Variants in ANKRD44 observed in about 807,000 individuals in gnomAD.
The protein encoded by ANKRD44 is ankyrin repeat domain 44.
In ANKRD44, 35 loss-of-function variants were observed where a neutral mutation model predicts 116.0. That is an observed-to-expected ratio of 0.30 (90% CI 0.23 to 0.40). The LOEUF (loss-of-function observed/expected upper bound fraction) is 0.40, where lower values mean the gene tolerates loss of function less well. Among genes scored for constraint, ANKRD44 ranks in the 10% least tolerant of loss-of-function variants. The probability of loss-of-function intolerance (pLI) is 1.00; values close to 1 mark genes in which losing one functional copy is unlikely to be tolerated. For synonymous variants in ANKRD44, 435 were observed against 461.8 expected (o/e 0.94, Z 0.74); for missense variants, 1,014 against 1,242.6 (o/e 0.82, Z 2.77).
At chr2:197,259,011 T>A (rs2105714471) in intron 1 of ANKRD44, among the ~76,000 whole-genome samples, 1 of 152,308 alleles carries the variant, frequency 6.6e-6, no homozygotes, top group Non-Finnish European at 1.5e-5. Flanking sequence ...AGGGATTCCG[T>A]TATTCAGGTC....
chr2:197,039,460 T>C (rs779204857), intron 16 of ANKRD44, among the ~76,000 whole-genome samples: 8 of 152,214 alleles, frequency 5.3e-5, no homozygotes, highest in African/African-American at 1.9e-4. Flanking sequence ...TACAATGAGA[T>C]ACTTCGGCTA....
At chr2:197,187,746 G>A (rs1305868022) in intron 1 of ANKRD44, among the ~76,000 whole-genome samples, 3 of 152,032 alleles carry the variant, frequency 2.0e-5, no homozygotes, top group African/African-American at 7.2e-5. Context: ...AAGACACAGT[G>A]AAAACGTGGC....
chr2:197,112,707 C>CAAAAAAAAAAAAAAAAAAAAAAA (rs1178148585), intron 8 of ANKRD44, among the ~76,000 whole-genome samples: 1 of 80,068 alleles, frequency 1.2e-5, no homozygotes. Context: ...GACTCCGTCT[C>CAAAAAAAAAAAAAAAAAAAAAAA]AAAAAAAAAA....
chr2:196,974,569 G>T (rs1420412445), intron 21 of ANKRD44, among the ~76,000 whole-genome samples: 1 of 152,048 alleles, frequency 6.6e-6, no homozygotes, highest in African/African-American at 2.4e-5. Context: ...TTTATATTAA[G>T]ATTCAATAAC....
intron 17 of ANKRD44, chr2:197,015,643 G>C: frequency 3.6e-6 from 2 of 559,320 alleles, no homozygotes; most frequent in Non-Finnish European, 3.3e-6. Context: ...TGGTGAAGGT[G>C]GTGGCAGCAG....
chr2:197,253,888 T>C (rs2082378056), intron 1 of ANKRD44, among the ~76,000 whole-genome samples: 1 of 152,196 alleles, frequency 6.6e-6, no homozygotes, highest in Non-Finnish European at 1.5e-5. Flanking sequence ...CCTCCAACAC[T>C]GGCTAAATCT....
intron 1 of ANKRD44, among the ~76,000 whole-genome samples, chr2:197,229,376 G>A (rs941820325): frequency 3.9e-5 from 6 of 152,162 alleles, no homozygotes; most frequent in African/African-American, 1.4e-4. Flanking sequence ...AGATGATGCT[G>A]TTAACATTTT....
At chr2:196,995,874 CA>C (rs2076003291) in intron 25 of ANKRD44, among the ~76,000 whole-genome samples, 1 of 152,178 alleles carries the variant, frequency 6.6e-6, no homozygotes, top group Admixed American at 6.5e-5. Context: ...TTCAATTATC[CA>C]TTTATCCTTG....
chr2:197,235,554 T>A (rs1559172922), intron 1 of ANKRD44, among the ~76,000 whole-genome samples: 2 of 149,858 alleles, frequency 1.3e-5, no homozygotes, highest in Non-Finnish European at 3.0e-5. Context: ...AGGCAGAGGT[T>A]GCAGTGAGCC....
At chr2:197,054,990 A>T (rs771829049) in intron 16 of ANKRD44, among the ~76,000 whole-genome samples, 8 of 152,158 alleles carry the variant, frequency 5.3e-5, no homozygotes, top group Non-Finnish European at 1.2e-4. Flanking sequence ...TCACAGAGCA[A>T]AACTTACCTG....
At chr2:196,978,834 G>A (rs1234723927) in intron 21 of ANKRD44, among the ~76,000 whole-genome samples, 1 of 146,570 alleles carries the variant, frequency 6.8e-6, no homozygotes, top group African/African-American at 2.5e-5. Flanking sequence ...ATGGGCCATA[G>A]TTTACCAACT....
At chr2:197,068,855 G>A (rs1574394257) in intron 16 of ANKRD44, among the ~76,000 whole-genome samples, 1 of 152,216 alleles carries the variant, frequency 6.6e-6, no homozygotes, top group Non-Finnish European at 1.5e-5. Context: ...TGGTGGGACT[G>A]TAAACTAGTT....
intron 5 of ANKRD44, 34 bp from the exon 6 acceptor site, chr2:197,125,502 A>G: frequency 6.3e-7 from 1 of 1,588,528 alleles, no homozygotes; most frequent in Non-Finnish European, 8.6e-7. Flanking sequence ...TCAAGCATAC[A>G]TTCTGTAATG....
chr2:197,238,059 C>CTAG (rs2082012495), intron 1 of ANKRD44, among the ~76,000 whole-genome samples: 1 of 152,236 alleles, frequency 6.6e-6, no homozygotes, highest in African/African-American at 2.4e-5. Context: ...AGCCCTCCTA[C>CTAG]CCCAAGTCTA....
rs16863140 is a variant in ANKRD44 at position 197,201,280 on chromosome 2, A to G, written c.28-14174T>C. 0.34 allele frequency among the ~76,000 whole-genome samples: 52,404 copies of G among 152,126 alleles called. 10,544 individuals carry two copies. The highest frequency in any genetic ancestry group is 0.56 in the African/African-American group (23,205 of 41,486). ...AAGACATAATCTTGACAGTCATATT[A>G]CAGAAAATAAGGGAGTGAGTTACTG... On this transcript the variant is annotated intron_variant, in intron 1 of 27. Coordinates refer to ENST00000282272, the MANE Select transcript of ANKRD44 (RefSeq NM_001195144.2). The surrounding 1 kb of genome is among the most constrained non-coding windows in gnomAD (Gnocchi z 4.0).
At chr2:197,251,162 C>T (rs2082308673) in intron 1 of ANKRD44, among the ~76,000 whole-genome samples, 1 of 152,008 alleles carries the variant, frequency 6.6e-6, no homozygotes, top group African/African-American at 2.4e-5. Context: ...TATTATAATA[C>T]ACGTATTTAC....
In ANKRD44 at chr2:197,277,879, G is replaced by A. The variant is rs141130066; in HGVS notation, c.27+32699C>T. ...TTCACATATGGCTGGAAAGACTCAA[G>A]GATGAGAATAGGCAGTTAGGAGTCA... is the stretch of plus-strand genomic sequence containing the variant. On this transcript the variant is annotated intron_variant, in intron 1 of 27. Coordinates refer to ENST00000282272, the MANE Select transcript of ANKRD44 (RefSeq NM_001195144.2). 4.1e-4 allele frequency among the ~76,000 whole-genome samples: 63 copies of A among 152,306 alleles called. 1 individual carries two copies. The highest frequency in any genetic ancestry group is 1.5e-3 in the African/African-American group (62 of 41,534).
chr2:197,210,449 T>C (rs2081299872), intron 1 of ANKRD44, among the ~76,000 whole-genome samples: 1 of 152,240 alleles, frequency 6.6e-6, no homozygotes, highest in Admixed American at 6.5e-5. Flanking sequence ...TGAGGTCCCA[T>C]CCAGACCAAG....
chr2:197,271,010 G>T (rs999110885), intron 1 of ANKRD44, among the ~76,000 whole-genome samples: 2 of 152,202 alleles, frequency 1.3e-5, no homozygotes, highest in African/African-American at 4.8e-5. Context: ...CCGTGCAGCT[G>T]CCCAGGGACC....
Sources: allele counts gnomAD v4.1 joint callset (sites outside exome capture counted in the v4.1 genomes callset), GRCh38; gene constraint gnomAD v4.1.1; non-coding constraint Gnocchi (gnomAD v3.1); transcripts MANE v1.5; gene names NCBI Gene and HGNC (gene_info 2026-07-23, HGNC 2026-07-21).